The following PABPC4L variants were observed in gnomAD, a reference collection of about 807,000 sequenced individuals.
PABPC4L encodes polyadenylate-binding protein 4-like.
For synonymous variants in PABPC4L, 169 were observed against 164.1 expected, an observed-to-expected ratio of 1.03 and a Z score of -0.23; for missense variants, 452 against 451.4, an observed-to-expected ratio of 1.00 and a Z score of -0.01.
At chr4:134,085,593 A>G in the PABPC4L span, among the ~76,000 whole-genome samples, 1 of 152,266 alleles carries the variant, frequency 6.6e-6, no homozygotes, top group East Asian at 1.9e-4. Flanking sequence ...CTCCCCTCCA[A>G]GAGGAAACCA....
At chr4:134,191,951 C>T (rs924219666), downstream of PABPC4L, among the ~76,000 whole-genome samples, 3 of 151,586 alleles carry the variant, frequency 2.0e-5, no homozygotes, top group African/African-American at 7.3e-5. Flanking sequence ...GTGAATGAAG[C>T]CAAAACTTGG....
At chr4:134,153,949 G>C in the PABPC4L span, among the ~76,000 whole-genome samples, 9 of 150,730 alleles carry the variant, frequency 6.0e-5, no homozygotes, top group Admixed American at 4.0e-4. Flanking sequence ...AATTAGGAGA[G>C]GATTTTAACA....
the PABPC4L span, among the ~76,000 whole-genome samples, chr4:134,151,487 A>G: frequency 5.3e-5 from 8 of 152,054 alleles, no homozygotes; most frequent in Non-Finnish European, 8.8e-5. Flanking sequence ...TGATATAAAC[A>G]ATGTTCATTA....
the PABPC4L span, among the ~76,000 whole-genome samples, chr4:134,148,098 C>G: frequency 6.6e-6 from 1 of 152,016 alleles, no homozygotes; most frequent in East Asian, 1.9e-4. Flanking sequence ...TCACAATGCA[C>G]AGAGAGCAGC....
chr4:134,143,458 G>C, the PABPC4L span, among the ~76,000 whole-genome samples: 1 of 149,558 alleles, frequency 6.7e-6, no homozygotes, highest in Non-Finnish European at 1.5e-5. Context: ...CTTATTTGTT[G>C]TTTCACATAG....
the PABPC4L span, among the ~76,000 whole-genome samples, chr4:133,983,699 G>T: frequency 6.6e-6 from 1 of 151,426 alleles, no homozygotes; most frequent in African/African-American, 2.4e-5. Context: ...CTATAAACTT[G>T]GAATATTTTG....
At chr4:134,045,567 C>A in the PABPC4L span, among the ~76,000 whole-genome samples, 3 of 152,106 alleles carry the variant, frequency 2.0e-5, no homozygotes, top group African/African-American at 7.2e-5. Context: ...ATACTTTGTC[C>A]TTGGAAGAGG....
At chr4:133,999,559 T>C in the PABPC4L span, among the ~76,000 whole-genome samples, 25 of 152,096 alleles carry the variant, frequency 1.6e-4, no homozygotes, top group Non-Finnish European at 1.5e-5. Context: ...AAATTTTTTA[T>C]GTTATTGTAG....
At chr4:134,065,203 T>C in the PABPC4L span, among the ~76,000 whole-genome samples, 2,578 of 152,178 alleles carry the variant, frequency 0.017, 74 homozygotes, top group African/African-American at 0.059. Context: ...CTTATTTACA[T>C]TCCCACCAGC....
chr4:134,196,062 G>A (rs186907983), downstream of PABPC4L, among the ~76,000 whole-genome samples: 1 of 151,250 alleles, frequency 6.6e-6, no homozygotes, highest in Non-Finnish European at 1.5e-5. Flanking sequence ...CACTTGACAG[G>A]TTAGTTGAAT....
At chr4:134,066,079 G>A in the PABPC4L span, among the ~76,000 whole-genome samples, 1 of 152,012 alleles carries the variant, frequency 6.6e-6, no homozygotes, top group African/African-American at 2.4e-5. Flanking sequence ...GCTTGCCTTT[G>A]GTATTAGGGC....
chr4:134,080,226 T>C, the PABPC4L span, among the ~76,000 whole-genome samples: 401 of 152,294 alleles, frequency 2.6e-3, 4 homozygotes, highest in Middle Eastern at 0.017. Context: ...TTGATCCATA[T>C]TTCTACCTTA....
chr4:134,123,188 C>T, the PABPC4L span, among the ~76,000 whole-genome samples: 373 of 151,910 alleles, frequency 2.5e-3, 2 homozygotes, highest in Middle Eastern at 6.8e-3. Context: ...AGTTCATGGC[C>T]CACAGCACTA....
chr4:134,120,265 T>TG, the PABPC4L span, among the ~76,000 whole-genome samples: 2 of 149,964 alleles, frequency 1.3e-5, no homozygotes, highest in South Asian at 2.1e-4. Context: ...CTTTGGTTTT[T>TG]TTTTTTTTTT....
the PABPC4L span, among the ~76,000 whole-genome samples, chr4:134,086,959 C>G: frequency 1.3e-5 from 2 of 151,212 alleles, no homozygotes; most frequent in Admixed American, 6.6e-5. Flanking sequence ...CCCTTCCCCC[C>G]ACCCCACAAC....
chr4:134,091,643 AATAG>A, the PABPC4L span, among the ~76,000 whole-genome samples: 2 of 151,860 alleles, frequency 1.3e-5, no homozygotes, highest in African/African-American at 4.8e-5. Context: ...ATAGACAGAT[AATAG>A]ATAATTATAT....
chr4:134,186,454 T>A, the PABPC4L span, among the ~76,000 whole-genome samples: 1 of 152,172 alleles, frequency 6.6e-6, no homozygotes, highest in African/African-American at 2.4e-5. Flanking sequence ...AGATTCCCTA[T>A]TTAATAAATG....
At chr4:133,989,135 G>A in the PABPC4L span, among the ~76,000 whole-genome samples, 2 of 152,110 alleles carry the variant, frequency 1.3e-5, no homozygotes, top group East Asian at 1.9e-4. Context: ...CTCTAGGGCT[G>A]TGATAGGAGG....
the PABPC4L span, among the ~76,000 whole-genome samples, chr4:134,072,018 A>G: frequency 1.3e-5 from 2 of 149,742 alleles, no homozygotes; most frequent in Non-Finnish European, 3.0e-5. Context: ...ACATGACATC[A>G]TGGACAAATT....
Sources: gnomAD v4.1 joint callset for allele counts (sites outside exome capture counted in the v4.1 genomes callset) on GRCh38, gnomAD v4.1.1 for gene constraint, MANE v1.5 for transcripts, NCBI Gene and HGNC (gene_info 2026-07-23, HGNC 2026-07-21) for gene names.